Variants in VPS13B observed in about 807,000 individuals in gnomAD.
VPS13B encodes the protein vacuolar protein sorting 13 homolog B.
A neutral mutation model predicts 426.4 loss-of-function variants in VPS13B; 285 were observed. The observed-to-expected ratio is 0.67, with a 90% confidence interval of 0.61 to 0.74. The LOEUF (loss-of-function observed/expected upper bound fraction) is 0.74, where lower values mean the gene tolerates loss of function less well. Ranked by LOEUF, VPS13B falls within the 30% of genes least tolerant of loss-of-function variation. The probability of loss-of-function intolerance (pLI) is 0.00; values close to 1 mark genes in which losing one functional copy is unlikely to be tolerated. For synonymous variants in VPS13B, 1,676 were observed against 1,676.4 expected (o/e 1.00, Z 0.01); for missense variants, 4,537 against 4,782.6 (o/e 0.95, Z 1.51).
chr8:99,027,580 T>C (rs56207044), intron 2 of VPS13B, among the ~76,000 whole-genome samples: 1 of 152,190 alleles, frequency 6.6e-6, no homozygotes, highest in Non-Finnish European at 1.5e-5. Context: ...CTCTGGGAGA[T>C]TTTAGTTTTC....
chr8:99,805,617 T>C (rs528145386), intron 43 of VPS13B, among the ~76,000 whole-genome samples: 7 of 152,220 alleles, frequency 4.6e-5, no homozygotes, highest in Non-Finnish European at 7.3e-5. Flanking sequence ...GAAAACTGTA[T>C]ATGCTTCCAT....
chr8:99,636,041 T>C lies in VPS13B; in HGVS notation c.5221-5770T>C, dbSNP rs549712476. On this transcript the variant is annotated intron_variant, in intron 33 of 61. Coordinates refer to ENST00000357162, the MANE Select transcript of VPS13B (RefSeq NM_152564.5). ...TGTACCGTATACAGCTGTGAAAGGA[T>C]GGGAAAATGCGCTGAAATGATCTAA... 1.5e-4 allele frequency among the ~76,000 whole-genome samples: 23 copies of C among 152,068 alleles called. No homozygotes were observed. In the South Asian group the frequency reaches 4.6e-3, roughly 30 times the overall value.
chr8:99,741,416 C>A (rs370555298), intron 39 of VPS13B, among the ~76,000 whole-genome samples: 1 of 151,896 alleles, frequency 6.6e-6, no homozygotes, highest in Non-Finnish European at 1.5e-5. Flanking sequence ...ACAGATCAAC[C>A]AGACAGAAAG....
rs528737567 is a variant in VPS13B, at chr8:99,375,146, G to T, written c.2825-9062G>T. Among the ~76,000 whole-genome samples the T allele has an allele frequency of 5.3e-5, 8 of 152,302 alleles. No individual in the cohort carries two copies. The South Asian group carries it at 1.2e-3, about 24-fold the overall frequency. ...ATGGCAAGTGGGTGGGATCCCCTGTGTCTAGAGTTCTCAGTGATTCTAAAC... is the reference window on the plus strand; with the variant it reads ...ATGGCAAGTGGGTGGGATCCCCTGTTTCTAGAGTTCTCAGTGATTCTAAAC... On this transcript the variant is annotated intron_variant, in intron 19 of 61. Coordinates refer to ENST00000357162, the MANE Select transcript of VPS13B (RefSeq NM_152564.5).
At position 99,848,422 on chromosome 8, in the gene VPS13B, T is replaced by G. The variant is rs551503199; in HGVS notation, c.9943-354T>G. Among the ~76,000 whole-genome samples the G allele has an allele frequency of 1.4e-4, 21 of 151,464 alleles. No individual in the cohort carries two copies. The East Asian group carries it at 3.9e-3, about 28-fold the overall frequency. ...TTGCACTTCAAGTCCCAAGTTTTAG[T>G]TTTTTTCCCACAAAGATCCATATGC... is the stretch of plus-strand genomic sequence containing the variant. On this transcript the variant is annotated intron_variant, in intron 54 of 61. Transcript: ENST00000357162.
At chr8:99,430,173 T>A (rs912435684) in intron 21 of VPS13B, among the ~76,000 whole-genome samples, 5 of 152,194 alleles carry the variant, frequency 3.3e-5, no homozygotes, top group Non-Finnish European at 5.9e-5. Context: ...ACAATATAAC[T>A]ATGAGAAAGA....
intron 17 of VPS13B, 144 bp from the exon 18 acceptor site, chr8:99,274,054 C>A (rs1016380261): frequency 8.4e-6 from 10 of 1,189,574 alleles, no homozygotes; most frequent in Non-Finnish European, 1.1e-5. Flanking sequence ...CTCTGAAATA[C>A]TAAACTATGA....
intron 3 of VPS13B, among the ~76,000 whole-genome samples, chr8:99,080,549 C>T (rs929455002): frequency 5.3e-5 from 8 of 152,226 alleles, no homozygotes; most frequent in South Asian, 4.1e-4. Context: ...ATATATATCA[C>T]GATCTGTTTC....
At chr8:99,475,975 TAAAC>T (rs1396253243) in intron 24 of VPS13B, among the ~76,000 whole-genome samples, 4 of 152,234 alleles carry the variant, frequency 2.6e-5, no homozygotes, top group African/African-American at 9.6e-5. Context: ...TAAATCCTCA[TAAAC>T]AAAATTGTGT....
intron 42 of VPS13B, 81 bp downstream of exon 42, chr8:99,779,112 A>C (rs1588704618): frequency 7.7e-7 from 1 of 1,293,292 alleles, no homozygotes; most frequent in South Asian, 1.2e-5. Flanking sequence ...TTCTGATAAT[A>C]AGTTCAACAC....
chr8:99,033,997 T>C (rs932077655), intron 2 of VPS13B, among the ~76,000 whole-genome samples: 11 of 152,230 alleles, frequency 7.2e-5, no homozygotes, highest in Non-Finnish European at 1.5e-4. Flanking sequence ...TTTGATCTCC[T>C]TCACAGATAG....
At chr8:99,055,332 G>A (rs1843793147) in intron 3 of VPS13B, among the ~76,000 whole-genome samples, 1 of 152,092 alleles carries the variant, frequency 6.6e-6, no homozygotes, top group Non-Finnish European at 1.5e-5. Flanking sequence ...GAGCCACCAT[G>A]CCTGGCCCTA....
At chr8:99,291,153 G>A (rs897648060) in intron 19 of VPS13B, among the ~76,000 whole-genome samples, 16 of 152,152 alleles carry the variant, frequency 1.1e-4, no homozygotes, top group African/African-American at 3.4e-4. Context: ...ATATTAATGG[G>A]TTGGAATTAC....
chr8:99,718,679 T>A (rs1472519677), intron 37 of VPS13B, among the ~76,000 whole-genome samples: 2 of 151,912 alleles, frequency 1.3e-5, no homozygotes, highest in Non-Finnish European at 2.9e-5. Flanking sequence ...TTCTTTTTTT[T>A]TTTTTGAGAC....
chr8:99,382,896 T>A (rs553274733), intron 19 of VPS13B, among the ~76,000 whole-genome samples: 1 of 152,288 alleles, frequency 6.6e-6, no homozygotes, highest in Non-Finnish European at 1.5e-5. Context: ...TTGTGCCAGT[T>A]TTCAAGGGGA....
chr8:99,477,569 C>A (rs1487947195), intron 24 of VPS13B, among the ~76,000 whole-genome samples: 1 of 152,088 alleles, frequency 6.6e-6, no homozygotes, highest in African/African-American at 2.4e-5. Context: ...GGAAATAATT[C>A]CTACTTAAAT....
chr8:99,722,373 G>C (rs1447755613), intron 39 of VPS13B, among the ~76,000 whole-genome samples: 4 of 152,136 alleles, frequency 2.6e-5, no homozygotes, highest in Admixed American at 1.3e-4. Context: ...ATGTCTTGAT[G>C]ATGTATCTCC....
At chr8:99,600,306 A>G (rs909212598) in intron 33 of VPS13B, among the ~76,000 whole-genome samples, 1 of 152,104 alleles carries the variant, frequency 6.6e-6, no homozygotes, top group Non-Finnish European at 1.5e-5. Flanking sequence ...TACCTAGCTA[A>G]TAATTATCAA....
chr8:99,017,616 C>T (rs968779402), intron 2 of VPS13B, among the ~76,000 whole-genome samples: 1 of 151,966 alleles, frequency 6.6e-6, no homozygotes, highest in Admixed American at 6.6e-5. Context: ...CTGCAGCCTC[C>T]GTAGTAGCTG....
Sources: allele counts gnomAD v4.1 joint callset (sites outside exome capture counted in the v4.1 genomes callset), GRCh38; gene constraint gnomAD v4.1.1; transcripts MANE v1.5; gene names NCBI Gene and HGNC (gene_info 2026-07-23, HGNC 2026-07-21).